CARMIL3: variants seen among roughly 807,000 people sequenced by gnomAD.
The protein encoded by CARMIL3 is capping protein regulator and myosin 1 linker 3.
Under a neutral mutation model 180.8 loss-of-function variants are expected in CARMIL3, and 88 were observed. The observed-to-expected ratio is 0.49, with a 90% confidence interval of 0.41 to 0.58. The LOEUF (loss-of-function observed/expected upper bound fraction) is 0.58, where lower values mean the gene tolerates loss of function less well. Among genes scored for constraint, CARMIL3 ranks in the 20% least tolerant of loss-of-function variants. The probability of loss-of-function intolerance (pLI) is 0.00; values close to 1 mark genes in which losing one functional copy is unlikely to be tolerated. For synonymous variants in CARMIL3, 696 were observed against 714.5 expected, an observed-to-expected ratio of 0.97 and a Z score of 0.41; for missense variants, 1,548 against 1,787.0, an observed-to-expected ratio of 0.87 and a Z score of 2.41.
chr14:24,062,297 T>G, intron 27 of CARMIL3, 183 bp from the exon 28 acceptor site: 1 of 647,856 alleles, frequency 1.5e-6, no homozygotes, highest in Non-Finnish European at 2.8e-6. Flanking sequence ...GGACTAGACG[T>G]GTATTTGTGG....
intron 10 of CARMIL3, 35 bp downstream of exon 10, chr14:24,055,824 C>G: frequency 6.3e-7 from 1 of 1,592,408 alleles, no homozygotes; most frequent in Non-Finnish European, 8.6e-7. Flanking sequence ...AGTAGTGCAC[C>G]CTTGATGTAG....
At position 24,052,174 on chromosome 14, in the gene CARMIL3, G is replaced by A; in HGVS notation, c.21G>A (p.Glu7=). Residue 7 remains glutamate, a synonymous_variant, in exon 1 of 40, where the codon GAG becomes GAA. Transcript: ENST00000342740. ...CCGCCATGGCCAAGCCCAGCGTGGAGCTCACCCGCGAGTTGCAAGGTACGA... is the reference window on the plus strand; with the variant it reads ...CCGCCATGGCCAAGCCCAGCGTGGAACTCACCCGCGAGTTGCAAGGTACGA... MAKPSV[E]LTRELQDSIR... The A allele has an allele frequency of 6.3e-7, 1 of 1,592,742 alleles. No homozygotes were observed. The highest frequency in any genetic ancestry group is 8.5e-7 in the Non-Finnish European group (1 of 1,173,950).
Position 24,060,490 on chromosome 14 carries a change from T to A in CARMIL3, c.2062-138T>A, listed in dbSNP as rs982553075. On this transcript the variant is annotated intron_variant, in intron 24 of 39. Coordinates refer to ENST00000342740, the MANE Select transcript of CARMIL3 (RefSeq NM_138360.4). The stretch of plus-strand genomic sequence containing the variant: ...CTCAGCTGGGCATTCAAGAAGGCTG[T>A]AGCAATGGGGACCAGGCCAGCCAGA... The A allele has an allele frequency of 6.9e-5, 92 of 1,329,744 alleles. No homozygotes were observed. The Admixed American group carries it at 1.8e-3, about 26-fold the overall frequency. 82.4% of individuals were successfully genotyped at this position (1,329,744 alleles called of 1,614,324 possible). A position where few individuals can be genotyped will look rare whatever the true frequency, so the allele number is the denominator to read the frequency against.
At chr14:24,066,058 T>C (rs2035783951) in intron 34 of CARMIL3, among the ~76,000 whole-genome samples, 1 of 152,260 alleles carries the variant, frequency 6.6e-6, no homozygotes, top group Admixed American at 6.5e-5. Context: ...ACCTGAATTA[T>C]TACTTACATA....
intron 27 of CARMIL3, 165 bp from the exon 28 acceptor site, chr14:24,062,314 GA>G: frequency 5.8e-6 from 4 of 683,780 alleles, no homozygotes; most frequent in Non-Finnish European, 1.1e-5. Flanking sequence ...GTGGAGAAAT[GA>G]GTGTCAAGGG....
At position 24,052,593 on chromosome 14, in the gene CARMIL3, C is replaced by A. The variant is rs1467665526; in HGVS notation, c.40+400C>A. On this transcript the variant is annotated intron_variant, in intron 1 of 39. Transcript: ENST00000342740. ...GATGGGAGCTGCCCCTGGTCCTGACCGCTGCGTGGCTTAACACCCTCCCTC... is the reference window on the plus strand; with the variant it reads ...GATGGGAGCTGCCCCTGGTCCTGACAGCTGCGTGGCTTAACACCCTCCCTC... 2.0e-5 allele frequency among the ~76,000 whole-genome samples: 3 copies of A among 152,214 alleles called. No homozygotes were observed. In the East Asian group the frequency reaches 5.8e-4, roughly 29 times the overall value.
At position 24,062,763 on chromosome 14, in the gene CARMIL3, CA is replaced by C; in HGVS notation, c.2625del (p.Gln877ArgfsTer95). 1 of 1,613,738 alleles carries C rather than the reference CA, an allele frequency of 6.2e-7. No individual in the cohort carries two copies. Among genetic ancestry groups the C allele is most frequent in the Non-Finnish European group, 8.5e-7 (1 of 1,179,780 alleles). On this transcript the variant is annotated frameshift_variant, in exon 29 of 40. Transcript: ENST00000342740. LOFTEE classifies it high-confidence loss of function. ...GTCAGATCCACCAGGGTGCCCAGGCCAAGGGCAGGATCTGTCCTCCCGGGGC... is the reference window on the plus strand; with the variant it reads ...GTCAGATCCACCAGGGTGCCCAGGCCAGGGCAGGATCTGTCCTCCCGGGGC... ...TLSDPPGCPG[Q>X]GQDLSSRGRG...
chr14:24,060,111 C>T, intron 23 of CARMIL3, 46 bp from the exon 24 acceptor site: 1 of 1,613,346 alleles, frequency 6.2e-7, no homozygotes, highest in Non-Finnish European at 8.5e-7. Context: ...GGGCAGGGGG[C>T]AGCCCCCATC....
chr14:24,055,790 G>T lies in CARMIL3; in HGVS notation c.770+1G>T. On this transcript the variant is annotated splice_donor_variant, in intron 10 of 39. Coordinates refer to ENST00000342740, the MANE Select transcript of CARMIL3 (RefSeq NM_138360.4). LOFTEE classifies it high-confidence loss of function. ...TGCTGGACAACGCCGGGCTTAAGAC[G>T]TGAGGCCAGTCTCCTCCTTGGGCAG... The T allele has an allele frequency of 6.2e-7, 1 of 1,613,884 alleles. No homozygotes were observed. The highest frequency in any genetic ancestry group is 8.5e-7 in the Non-Finnish European group (1 of 1,179,832).
chr14:24,069,038 C>A, intron 38 of CARMIL3, 72 bp downstream of exon 38: 1 of 1,578,570 alleles, frequency 6.3e-7, no homozygotes. Context: ...GGTCCTCTTC[C>A]AGAGCATGGA....
rs780071669 is a variant in CARMIL3 at position 24,066,419 on chromosome 14, G to A, written c.3547G>A (p.Gly1183Ser). ...TCAGGGCCCAGGCCCAGACCAGGAG[G>A]GCAGCACCCAGGCCTGGCAGAAACG... The part of the protein sequence containing the change: ...KREGPGPDQE[G>S]STQAWQKRRS... Residue 1183 changes from glycine to serine, a missense_variant, in exon 35 of 40, where the codon GGC becomes AGC. This residue lies in a region of CARMIL3 where 668 missense variants were observed against 687.8 expected (regional missense o/e 0.97). Coordinates refer to ENST00000342740, the MANE Select transcript of CARMIL3 (RefSeq NM_138360.4). 2 of 1,614,084 alleles carry A rather than the reference G, an allele frequency of 1.2e-6. No homozygotes were observed. Among genetic ancestry groups the A allele is most frequent in the African/African-American group, 2.7e-5 (2 of 74,924 alleles).
Position 24,060,252 on chromosome 14 carries a change from G to T in CARMIL3, c.2058G>T (p.Glu686Asp). Reference protein sequence around the residue: ...LQQGLVTSSAEQMLQRLCGRV... With the variant: ...LQQGLVTSSADQMLQRLCGRV... Reference sequence around the variant, plus strand: ...AGGGCCTGGTGACCAGCAGCGCCGAGCAAGTAAACGTTTCCCTCTGGGACA... The same window carrying T: ...AGGGCCTGGTGACCAGCAGCGCCGATCAAGTAAACGTTTCCCTCTGGGACA... The change falls in exon 24 of 40, where the codon GAG becomes GAT. Residue 686 changes from glutamate to aspartate, a missense_variant. By Grantham distance (45) the Glu-to-Asp change is conservative. Around this residue, in one of 4 missense-constraint regions of CARMIL3, gnomAD observed 297 missense variants for 415.9 expected, o/e 0.71. Transcript: ENST00000342740. 1.2e-6 allele frequency: 2 copies of T among 1,614,136 alleles called. No individual in the cohort carries two copies. Among genetic ancestry groups the T allele is most frequent in the Non-Finnish European group, 1.7e-6 (2 of 1,180,024 alleles).
At chr14:24,056,494 G>T in intron 11 of CARMIL3, 101 bp downstream of exon 11, 1 of 1,474,672 alleles carries the variant, frequency 6.8e-7, no homozygotes, top group Non-Finnish European at 9.4e-7. Flanking sequence ...CCTGATTCCA[G>T]CCCCTGCCCT....
intron 32 of CARMIL3, among the ~76,000 whole-genome samples, chr14:24,064,584 G>A (rs1274635155): frequency 6.6e-6 from 1 of 152,228 alleles, no homozygotes; most frequent in African/African-American, 2.4e-5. Flanking sequence ...TGGGGTTGGA[G>A]AGCAGGTGTG....
chr14:24,062,645 C>T lies in CARMIL3; in HGVS notation c.2569-64C>T. 2 of 1,612,904 alleles carry T rather than the reference C, an allele frequency of 1.2e-6. 1 individual carries two copies. Among genetic ancestry groups the T allele is most frequent in the East Asian group, 4.5e-5 (2 of 44,872 alleles). On this transcript the variant is annotated intron_variant, in intron 28 of 39. Transcript: ENST00000342740. ...TTATCCTGTCTCCCTAATCACCCTC[C>T]CCTTCAAGGCCCTGGGAGGTGGGCA...
rs749046352 is a variant in CARMIL3, at chr14:24,068,566, C to CCT, written c.3683-10_3683-9dup. ...AAGAATGCCTTTTCCTGCAGCTTCT[C>CCT]CTCTCTCTCATCCCCAGCTGAAGAG... On this transcript the variant is annotated splice_polypyrimidine_tract_variant and intron_variant, in intron 36 of 39. Coordinates refer to ENST00000342740, the MANE Select transcript of CARMIL3 (RefSeq NM_138360.4). 1.9e-6 allele frequency: 3 copies of CCT among 1,587,994 alleles called. No homozygotes were observed. Among genetic ancestry groups the CCT allele is most frequent in the South Asian group, 2.2e-5 (2 of 88,930 alleles).
rs1439328247 is a variant in CARMIL3 at position 24,059,067 on chromosome 14, CCT to C, written c.1572-62_1572-61del. On this transcript the variant is annotated intron_variant, in intron 19 of 39. Transcript: ENST00000342740. This position sits in a 1 kb window ranked among gnomAD's most constrained non-coding sequence, Gnocchi z 6.3. ...TGGCTCACCGTATTACCTCTGGCCA[CCT>C]CTCTCCTCCTCCAATAGCATGACCC... 2 of 1,587,376 alleles carry C rather than the reference CCT, an allele frequency of 1.3e-6. No individual in the cohort carries two copies. Among genetic ancestry groups the C allele is most frequent in the African/African-American group, 1.3e-5 (1 of 74,312 alleles).
At chr14:24,067,689 C>T (rs151302780) in intron 36 of CARMIL3, among the ~76,000 whole-genome samples, 71 of 152,400 alleles carry the variant, frequency 4.7e-4, no homozygotes, top group Admixed American at 1.2e-3. Context: ...CTAATTAAAG[C>T]GCCCCAAAGT....
At position 24,069,711 on chromosome 14, in the gene CARMIL3, A is replaced by C; in HGVS notation, c.*307A>C. Reference sequence around the variant, plus strand: ...GGGACTCTCTCCCCTCTTGTATAGAATAAAAAAACAAAATCATCGCCTGCC... The same window carrying C: ...GGGACTCTCTCCCCTCTTGTATAGACTAAAAAAACAAAATCATCGCCTGCC... On this transcript the variant is annotated 3_prime_UTR_variant, in exon 40 of 40. Transcript: ENST00000342740. 2.4e-6 allele frequency: 1 copy of C among 412,156 alleles called. No individual in the cohort carries two copies. Among genetic ancestry groups the C allele is most frequent in the Non-Finnish European group, 4.3e-6 (1 of 229,890 alleles). 25.5% of individuals were successfully genotyped at this position (412,156 alleles called of 1,614,324 possible). A position where few individuals can be genotyped will look rare whatever the true frequency, so the allele number is the denominator to read the frequency against.
Sources: gnomAD v4.1 joint callset for allele counts (sites outside exome capture counted in the v4.1 genomes callset) on GRCh38, gnomAD v4.1.1 for gene constraint, gnomAD v4.1.1 regional missense constraint, Gnocchi (gnomAD v3.1) non-coding constraint, MANE v1.5 for transcripts, NCBI Gene and HGNC (gene_info 2026-07-23, HGNC 2026-07-21) for gene names.